RGS17: variants seen among roughly 807,000 people sequenced by gnomAD.
RGS17 encodes regulator of G protein signaling 17.
Under a neutral mutation model 25.5 loss-of-function variants are expected in RGS17, and 12 were observed. That is an observed-to-expected ratio of 0.47 (90% confidence interval 0.30 to 0.76). The LOEUF is 0.76. RGS17 is among the 30% of genes least tolerant of loss of function. The probability of loss-of-function intolerance (pLI) is 0.07; values close to 1 mark genes in which losing one functional copy is unlikely to be tolerated. For synonymous variants in RGS17, 71 were observed against 76.9 expected (o/e 0.92, Z 0.40); for missense variants, 196 against 242.2 (o/e 0.81, Z 1.27).
At chr6:153,031,118 G>A (rs1779357936) in intron 2 of RGS17, among the ~76,000 whole-genome samples, 1 of 152,176 alleles carries the variant, frequency 6.6e-6, no homozygotes, top group African/African-American at 2.4e-5. Flanking sequence ...GGCTGGAGCA[G>A]GAGAATAAAA....
At chr6:153,105,871 G>A (rs1369129319) in intron 1 of RGS17, among the ~76,000 whole-genome samples, 2 of 152,302 alleles carry the variant, frequency 1.3e-5, no homozygotes, top group South Asian at 2.1e-4. Context: ...TAGGTAATGG[G>A]GAGGCACTGA....
intron 1 of RGS17, among the ~76,000 whole-genome samples, chr6:153,069,652 G>A (rs1776757612): frequency 6.6e-6 from 1 of 152,184 alleles, no homozygotes; most frequent in South Asian, 2.1e-4. Flanking sequence ...AAATGCTTGA[G>A]AGGATATGCT....
At chr6:153,040,038 T>G (rs944907882) in intron 2 of RGS17, among the ~76,000 whole-genome samples, 2 of 96,570 alleles carry the variant, frequency 2.1e-5, no homozygotes, top group Admixed American at 2.1e-4. Flanking sequence ...CTTGGTCCCA[T>G]GAATAGAAGG....
At chr6:153,046,810 A>G (rs1296747011) in intron 1 of RGS17, among the ~76,000 whole-genome samples, 1 of 152,176 alleles carries the variant, frequency 6.6e-6, no homozygotes, top group East Asian at 1.9e-4. Context: ...CAGGAAAGTC[A>G]TAATATTTTA....
chr6:153,029,507 T>C (rs1779338851), intron 2 of RGS17, among the ~76,000 whole-genome samples: 1 of 152,186 alleles, frequency 6.6e-6, no homozygotes, highest in Non-Finnish European at 1.5e-5. Flanking sequence ...ATATATGTTA[T>C]ATGTGTTTGA....
chr6:153,082,630 T>C (rs1480353197), intron 1 of RGS17, among the ~76,000 whole-genome samples: 1 of 152,236 alleles, frequency 6.6e-6, no homozygotes, highest in East Asian at 1.9e-4. Context: ...ATGCTATTTA[T>C]ATACTAGTTC....
intron 2 of RGS17, among the ~76,000 whole-genome samples, chr6:153,028,269 T>A (rs1779325167): frequency 6.6e-6 from 1 of 152,118 alleles, no homozygotes; most frequent in South Asian, 2.1e-4. Context: ...CCCAGAAGGA[T>A]TCTGGGGAGC....
chr6:153,083,923 A>C (rs563501156), intron 1 of RGS17, among the ~76,000 whole-genome samples: 3 of 152,346 alleles, frequency 2.0e-5, no homozygotes, highest in Admixed American at 6.5e-5. Flanking sequence ...AATATGCATA[A>C]ATATTAAAAA....
At chr6:153,029,377 C>T (rs1457821878) in intron 2 of RGS17, among the ~76,000 whole-genome samples, 1 of 152,178 alleles carries the variant, frequency 6.6e-6, no homozygotes, top group Non-Finnish European at 1.5e-5. Context: ...GGGATTAATA[C>T]TTAACAGTTT....
rs544941191 is a variant in RGS17 at position 153,008,930 on chromosome 6, T to G, written c.*2644A>C. The stretch of plus-strand genomic sequence containing the variant: ...AGACATACTCTTAAATGAGAAACCC[T>G]CCCCTCACCCAAAAATACGAGTTTA... On this transcript the variant is annotated 3_prime_UTR_variant, in exon 5 of 5. Coordinates refer to ENST00000206262, the MANE Select transcript of RGS17 (RefSeq NM_012419.5). 1 of 152,176 alleles carries G rather than the reference T, an allele frequency of 6.6e-6. No homozygotes were observed. The highest frequency in any genetic ancestry group is 2.1e-4 in the South Asian group (1 of 4,828). 9.4% of individuals were successfully genotyped at this position (152,176 alleles called of 1,614,324 possible).
chr6:153,012,605 G>A (rs1562311245), intron 4 of RGS17, among the ~76,000 whole-genome samples: 1 of 152,138 alleles, frequency 6.6e-6, no homozygotes, highest in Non-Finnish European at 1.5e-5. Flanking sequence ...CATGGTTGGA[G>A]GAACAGAACT....
At chr6:153,077,505 CAGT>C (rs1464504094) in intron 1 of RGS17, among the ~76,000 whole-genome samples, 1 of 152,110 alleles carries the variant, frequency 6.6e-6, no homozygotes, top group Non-Finnish European at 1.5e-5. Context: ...AGTAGTTCAG[CAGT>C]AGTTTTATGA....
chr6:153,054,049 A>C (rs1417012444), intron 1 of RGS17, among the ~76,000 whole-genome samples: 1 of 84,454 alleles, frequency 1.2e-5, no homozygotes, highest in Admixed American at 1.6e-4. Flanking sequence ...ATATGTATAT[A>C]TGTATATAAT....
At chr6:153,043,792 C>CA (rs1011433983) in intron 2 of RGS17, 108 bp downstream of exon 2, 2 of 644,510 alleles carry the variant, frequency 3.1e-6, no homozygotes, top group Non-Finnish European at 5.3e-6. Context: ...AAAGAAAGAA[C>CA]AAAAAAAGAC....
At chr6:153,027,638 T>C (rs921766678) in intron 2 of RGS17, among the ~76,000 whole-genome samples, 1 of 152,152 alleles carries the variant, frequency 6.6e-6, no homozygotes, top group African/African-American at 2.4e-5. Flanking sequence ...ACCATTAATA[T>C]TATTATCCCC....
At chr6:153,049,522 C>A (rs539258142) in intron 1 of RGS17, among the ~76,000 whole-genome samples, 1 of 152,012 alleles carries the variant, frequency 6.6e-6, no homozygotes, top group East Asian at 1.9e-4. Flanking sequence ...GAGGCCGAGG[C>A]GGGTGGATCA....
chr6:153,107,151 G>A (rs1394450569), intron 1 of RGS17, among the ~76,000 whole-genome samples: 1 of 151,678 alleles, frequency 6.6e-6, no homozygotes, highest in African/African-American at 2.4e-5. Flanking sequence ...TGGTCAACAT[G>A]GTGAAACCCC....
At chr6:153,120,078 A>G (rs1039433125) in intron 1 of RGS17, among the ~76,000 whole-genome samples, 7 of 152,234 alleles carry the variant, frequency 4.6e-5, no homozygotes, top group African/African-American at 1.7e-4. Flanking sequence ...GGTGTCAAAA[A>G]TAAGTTCAAA....
chr6:153,017,726 T>C (rs77087077), intron 4 of RGS17, among the ~76,000 whole-genome samples: 114 of 152,354 alleles, frequency 7.5e-4, no homozygotes, highest in African/African-American at 2.6e-3. Flanking sequence ...GTTTTTCACG[T>C]ATCACATCCA....
Sources: allele counts gnomAD v4.1 joint callset (sites outside exome capture counted in the v4.1 genomes callset), GRCh38; gene constraint gnomAD v4.1.1; transcripts MANE v1.5; gene names NCBI Gene and HGNC (gene_info 2026-07-23, HGNC 2026-07-21).